The following TMEM117 variants were observed in gnomAD, a reference collection of about 807,000 sequenced individuals.
TMEM117 encodes transmembrane protein 117.
A neutral mutation model predicts 52.4 loss-of-function variants in TMEM117; 27 were observed. That is an observed-to-expected ratio of 0.51 (90% CI 0.38 to 0.71). The LOEUF is 0.71. Among genes scored for constraint, TMEM117 ranks in the 30% least tolerant of loss-of-function variants. The pLI, the probability that TMEM117 is intolerant of heterozygous loss-of-function variation, is 0.00. For synonymous variants in TMEM117, 215 were observed against 206.3 expected, an observed-to-expected ratio of 1.04 and a Z score of -0.36; for missense variants, 556 against 630.5, an observed-to-expected ratio of 0.88 and a Z score of 1.26.
intron 3 of TMEM117, among the ~76,000 whole-genome samples, chr12:44,078,798 T>A (rs1316596578): frequency 6.6e-6 from 1 of 152,050 alleles, no homozygotes; most frequent in Non-Finnish European, 1.5e-5. Flanking sequence ...CCATGGTGGT[T>A]TGCTGCAGCC....
At chr12:44,068,185 C>T (rs1947250417) in intron 3 of TMEM117, among the ~76,000 whole-genome samples, 1 of 152,172 alleles carries the variant, frequency 6.6e-6, no homozygotes, top group Non-Finnish European at 1.5e-5. Context: ...AGTGTTGTGC[C>T]TGGTTTGATG....
chr12:43,904,282 G>A (rs1309707298), intron 2 of TMEM117, among the ~76,000 whole-genome samples: 2 of 152,140 alleles, frequency 1.3e-5, no homozygotes, highest in Non-Finnish European at 2.9e-5. Flanking sequence ...GCTGATGGGG[G>A]AGGATAGCTT....
intron 3 of TMEM117, among the ~76,000 whole-genome samples, chr12:44,082,543 G>A (rs964224288): frequency 4.0e-5 from 6 of 151,786 alleles, no homozygotes; most frequent in African/African-American, 9.7e-5. Context: ...ATGATTGATC[G>A]ATAAAATAGA....
chr12:43,823,251 G>A, the TMEM117 span, among the ~76,000 whole-genome samples: 9 of 152,064 alleles, frequency 5.9e-5, no homozygotes, highest in Non-Finnish European at 1.3e-4. Flanking sequence ...TATGTTATTA[G>A]CCAAAAATGT....
At chr12:44,038,630 C>G (rs952351828) in intron 3 of TMEM117, among the ~76,000 whole-genome samples, 1 of 152,216 alleles carries the variant, frequency 6.6e-6, no homozygotes, top group Admixed American at 6.5e-5. Context: ...CGAGTAAAAA[C>G]TTGGGCAAAG....
At chr12:44,107,641 T>A (rs1294816644) in intron 3 of TMEM117, among the ~76,000 whole-genome samples, 1 of 152,126 alleles carries the variant, frequency 6.6e-6, no homozygotes. Flanking sequence ...CTATTTCTAA[T>A]GAAGAATATA....
intron 3 of TMEM117, among the ~76,000 whole-genome samples, chr12:44,087,398 A>C (rs1947588047): frequency 6.6e-6 from 1 of 152,036 alleles, no homozygotes; most frequent in Non-Finnish European, 1.5e-5. Context: ...ATATAACTGA[A>C]TTTGCAGTGT....
At chr12:44,180,337 A>G (rs1366290478) in intron 4 of TMEM117, among the ~76,000 whole-genome samples, 2 of 149,726 alleles carry the variant, frequency 1.3e-5, no homozygotes, top group Non-Finnish European at 2.9e-5. Flanking sequence ...ACGATGTAAA[A>G]GAACTACCTG....
chr12:44,394,309 C>G (rs572575455), downstream of TMEM117, among the ~76,000 whole-genome samples: 1 of 152,316 alleles, frequency 6.6e-6, no homozygotes, highest in East Asian at 1.9e-4. Flanking sequence ...GTAGCTGCAA[C>G]AAGTCATGCA....
chr12:43,819,507 G>A, the TMEM117 span, among the ~76,000 whole-genome samples: 1 of 152,156 alleles, frequency 6.6e-6, no homozygotes, highest in Non-Finnish European at 1.5e-5. Context: ...GGGCGGGATG[G>A]CTCACACCTG....
At chr12:44,105,076 CTCTT>C (rs1325990731) in intron 3 of TMEM117, among the ~76,000 whole-genome samples, 1 of 151,894 alleles carries the variant, frequency 6.6e-6, no homozygotes, top group African/African-American at 2.4e-5. Context: ...GTTCCTTTCT[CTCTT>C]TCTCTTTCTG....
intron 3 of TMEM117, among the ~76,000 whole-genome samples, chr12:43,999,680 C>G (rs575334449): frequency 6.6e-6 from 1 of 151,990 alleles, no homozygotes; most frequent in Admixed American, 6.6e-5. Flanking sequence ...TTTGTAGAGA[C>G]GGGGTTTCAC....
rs80353168 is a variant in TMEM117, at chr12:44,136,597, T to G, written c.411-6928T>G. Among the ~76,000 whole-genome samples, 840 of 152,230 alleles carry G rather than the reference T, an allele frequency of 5.5e-3. 5 individuals carry two copies. Among genetic ancestry groups the G allele is most frequent in the Non-Finnish European group, 9.5e-3 (645 of 67,964 alleles). On this transcript the variant is annotated intron_variant, in intron 3 of 7. Coordinates refer to ENST00000266534, the MANE Select transcript of TMEM117 (RefSeq NM_032256.3). ...TTTTCATATGGATAAAATAAATGTG[T>G]TTTACTGTGTAGCTCTGGTATTGTT...
chr12:44,105,812 G>A (rs938124372), intron 3 of TMEM117, among the ~76,000 whole-genome samples: 40 of 152,134 alleles, frequency 2.6e-4, no homozygotes, highest in African/African-American at 9.4e-4. Context: ...TTTCTCTTGA[G>A]GGCAGGTCTC....
At chr12:43,976,508 G>C (rs908227249) in intron 3 of TMEM117, among the ~76,000 whole-genome samples, 1 of 152,278 alleles carries the variant, frequency 6.6e-6, no homozygotes, top group East Asian at 1.9e-4. Context: ...CCTGAGTAGA[G>C]AGCATCCTAA....
chr12:43,846,721 G>C (rs897734486), intron 2 of TMEM117, among the ~76,000 whole-genome samples: 1 of 152,186 alleles, frequency 6.6e-6, no homozygotes, highest in East Asian at 1.9e-4. Flanking sequence ...GGAAGAGAAT[G>C]TAATAATAGA....
chr12:44,161,723 A>G (rs1907689), intron 4 of TMEM117, among the ~76,000 whole-genome samples: 1 of 152,030 alleles, frequency 6.6e-6, no homozygotes, highest in Non-Finnish European at 1.5e-5. Context: ...TATTATTACC[A>G]TATGATAATT....
the TMEM117 span, among the ~76,000 whole-genome samples, chr12:43,829,929 A>G: frequency 6.6e-6 from 1 of 151,904 alleles, no homozygotes; most frequent in Admixed American, 6.6e-5. Flanking sequence ...CTCTACCAAA[A>G]ATACAAAAAT....
At position 44,284,043 on chromosome 12, in the gene TMEM117, G is replaced by A. The variant is rs566358121; in HGVS notation, c.609-15537G>A. Among the ~76,000 whole-genome samples, 38 of 152,212 alleles carry A rather than the reference G, an allele frequency of 2.5e-4. No individual in the cohort carries two copies. In the South Asian group the frequency reaches 6.2e-3, roughly 25 times the overall value. On this transcript the variant is annotated intron_variant, in intron 5 of 7. Transcript: ENST00000266534. The stretch of plus-strand genomic sequence containing the variant: ...TAAGAAGTGCCTTTTGGCCGGGTGC[G>A]GTGGCTCACATCTGTAATCCCAGCA...
Sources: allele counts gnomAD v4.1 joint callset (sites outside exome capture counted in the v4.1 genomes callset), GRCh38; gene constraint gnomAD v4.1.1; transcripts MANE v1.5; gene names NCBI Gene and HGNC (gene_info 2026-07-23, HGNC 2026-07-21).